TRPC4: variants seen among roughly 807,000 people sequenced by gnomAD.
TRPC4 encodes short transient receptor potential channel 4.
Under a neutral mutation model 99.4 loss-of-function variants are expected in TRPC4, and 49 were observed. That is an observed-to-expected ratio of 0.49 (90% CI 0.39 to 0.63). TRPC4 has a LOEUF of 0.63. TRPC4 is among the 20% of genes least tolerant of loss of function. The pLI is 0.00. For synonymous variants in TRPC4, 454 were observed against 425.9 expected, an observed-to-expected ratio of 1.07 and a Z score of -0.81; for missense variants, 898 against 1,152.9, an observed-to-expected ratio of 0.78 and a Z score of 3.20.
chr13:37,799,533 A>G (rs547767953), intron 1 of TRPC4, among the ~76,000 whole-genome samples: 13 of 152,300 alleles, frequency 8.5e-5, no homozygotes, highest in African/African-American at 3.1e-4. Context: ...TACTTAACTC[A>G]GAGCTGATTT....
chr13:37,699,490 T>C (rs1593538847), intron 3 of TRPC4, among the ~76,000 whole-genome samples: 1 of 152,294 alleles, frequency 6.6e-6, no homozygotes, highest in East Asian at 1.9e-4. Flanking sequence ...CCAATTAAGT[T>C]TTTCAGCCTT....
intron 2 of TRPC4, among the ~76,000 whole-genome samples, chr13:37,762,722 T>C (rs1198200880): frequency 1.8e-5 from 1 of 56,424 alleles, no homozygotes; most frequent in Non-Finnish European, 3.1e-5. Context: ...TGTTGTGGGG[T>C]GGGGGGAGGG....
At chr13:37,844,117 C>T (rs1433360916) in intron 1 of TRPC4, among the ~76,000 whole-genome samples, 2 of 152,164 alleles carry the variant, frequency 1.3e-5, no homozygotes, top group Admixed American at 1.3e-4. Context: ...GAAATGCCAG[C>T]ATGGCTAGAT....
intron 1 of TRPC4, among the ~76,000 whole-genome samples, chr13:37,866,484 C>A (rs1238155111): frequency 1.4e-5 from 2 of 139,774 alleles, no homozygotes; most frequent in Non-Finnish European, 3.2e-5. Flanking sequence ...TTCATGAAAC[C>A]ACAAGGTTTT....
chr13:37,836,315 G>C (rs1318594819), intron 1 of TRPC4, among the ~76,000 whole-genome samples: 1 of 152,190 alleles, frequency 6.6e-6, no homozygotes, highest in Non-Finnish European at 1.5e-5. Flanking sequence ...ACTTGAAAAT[G>C]TGGAAGCAAC....
intron 4 of TRPC4, among the ~76,000 whole-genome samples, chr13:37,681,241 C>T (rs1040374566): frequency 1.1e-4 from 17 of 152,142 alleles, no homozygotes; most frequent in African/African-American, 3.1e-4. Context: ...TGATATATTA[C>T]AATTCCTCTG....
rs564613274 is a variant in TRPC4, at chr13:37,733,040, AG to A, written c.897+12896del. ...GTAATCCCAACATTTTGGGATGCCA[AG>A]GTGGGTGGATTGCTTGAGCTCAGGA... On this transcript the variant is annotated intron_variant, in intron 3 of 10. Coordinates refer to ENST00000379705, the MANE Select transcript of TRPC4 (RefSeq NM_016179.4). Among the ~76,000 whole-genome samples the A allele has an allele frequency of 2.6e-3, 401 of 152,332 alleles. 1 individual carries two copies. The highest frequency in any genetic ancestry group is 9.1e-3 in the African/African-American group (378 of 41,578).
In TRPC4 at chr13:37,855,296, G is replaced by C. The variant is rs1014626502; in HGVS notation, c.-28+14299C>G. Among the ~76,000 whole-genome samples, 3 of 140,478 alleles carry C rather than the reference G, an allele frequency of 2.1e-5. No individual in the cohort carries two copies. In the Admixed American group the frequency reaches 2.1e-4, roughly 10 times the overall value. The allele number at this position is 140,478 out of a possible 152,430, so 92.2% of individuals were successfully genotyped here. ...CAATCCAGCAACAGGATACAATGTA[G>C]ATATATATATATATATACACATGTA... On this transcript the variant is annotated intron_variant, in intron 1 of 10. Coordinates refer to ENST00000379705, the MANE Select transcript of TRPC4 (RefSeq NM_016179.4).
At chr13:37,680,588 T>C (rs1167033493) in intron 4 of TRPC4, among the ~76,000 whole-genome samples, 1 of 152,188 alleles carries the variant, frequency 6.6e-6, no homozygotes, top group African/African-American at 2.4e-5. Context: ...AACTGCCCTG[T>C]ACAAGAGGGC....
chr13:37,690,213 G>A (rs9548018), intron 4 of TRPC4, among the ~76,000 whole-genome samples: 1 of 152,180 alleles, frequency 6.6e-6, no homozygotes, highest in Non-Finnish European at 1.5e-5. Flanking sequence ...ATGAAACAGG[G>A]GGGGTTATTT....
At chr13:37,816,813 C>T (rs1398496428) in intron 1 of TRPC4, among the ~76,000 whole-genome samples, 2 of 151,768 alleles carry the variant, frequency 1.3e-5, no homozygotes, top group African/African-American at 4.8e-5. Flanking sequence ...GCTTTCAATA[C>T]AATTAAACAC....
At chr13:37,754,204 T>C (rs1238225719) in intron 2 of TRPC4, among the ~76,000 whole-genome samples, 1 of 152,120 alleles carries the variant, frequency 6.6e-6, no homozygotes, top group East Asian at 1.9e-4. Context: ...CTATTTTATA[T>C]CTCAATCCCT....
intron 4 of TRPC4, among the ~76,000 whole-genome samples, chr13:37,687,548 C>T (rs1953526873): frequency 6.6e-6 from 1 of 152,178 alleles, no homozygotes; most frequent in Non-Finnish European, 1.5e-5. Flanking sequence ...TGAGATAAAA[C>T]TCTTGCCATA....
At chr13:37,776,693 C>T (rs530436201) in intron 2 of TRPC4, among the ~76,000 whole-genome samples, 1 of 152,044 alleles carries the variant, frequency 6.6e-6, no homozygotes, top group Admixed American at 6.6e-5. Context: ...TATACAATGT[C>T]ATTTAATAAT....
At chr13:37,739,791 A>G (rs775656967) in intron 3 of TRPC4, among the ~76,000 whole-genome samples, 15 of 152,114 alleles carry the variant, frequency 9.9e-5, no homozygotes, top group Non-Finnish European at 1.9e-4. Context: ...GGTGTGAGCC[A>G]CTGCAGCTGG....
At chr13:37,693,029 C>A (rs1233362026) in intron 3 of TRPC4, among the ~76,000 whole-genome samples, 1 of 151,662 alleles carries the variant, frequency 6.6e-6, no homozygotes, top group Admixed American at 6.6e-5. Flanking sequence ...ATCATTCTAT[C>A]CTGACAACAT....
intron 2 of TRPC4, among the ~76,000 whole-genome samples, chr13:37,767,753 T>C (rs1956420811): frequency 1.3e-5 from 2 of 151,470 alleles, no homozygotes; most frequent in African/African-American, 4.8e-5. Context: ...TCATGAATAA[T>C]TATAAGGTTT....
Position 37,636,897 on chromosome 13 carries a change from C to G in TRPC4, c.*6G>C. ...TGTGTATGGTAAACGCTTCCTCCTT[C>G]AAGTATCACAATCTTGTGGTCACGT... is the stretch of plus-strand genomic sequence containing the variant. On this transcript the variant is annotated 3_prime_UTR_variant, in exon 11 of 11. Transcript: ENST00000379705. 1 of 1,604,450 alleles carries G rather than the reference C, an allele frequency of 6.2e-7. No individual in the cohort carries two copies.
chr13:37,745,458 A>ACG (rs1955721074), intron 3 of TRPC4, among the ~76,000 whole-genome samples: 2 of 6,586 alleles, frequency 3.0e-4, no homozygotes, highest in East Asian at 3.7e-3. Flanking sequence ...ATATATATAT[A>ACG]TATATATATA....
Sources: allele counts gnomAD v4.1 joint callset (sites outside exome capture counted in the v4.1 genomes callset), GRCh38; gene constraint gnomAD v4.1.1; transcripts MANE v1.5; gene names NCBI Gene and HGNC (gene_info 2026-07-23, HGNC 2026-07-21).